Variants in RABGAP1 observed in about 807,000 individuals in gnomAD.
The protein encoded by RABGAP1 is rab GTPase-activating protein 1.
A neutral mutation model predicts 137.6 loss-of-function variants in RABGAP1; 23 were observed. That is an observed-to-expected ratio of 0.17 (90% CI 0.12 to 0.24). The LOEUF (loss-of-function observed/expected upper bound fraction) is 0.24, where lower values mean the gene tolerates loss of function less well. Ranked by LOEUF, RABGAP1 falls within the 10% of genes least tolerant of loss-of-function variation. RABGAP1 has a pLI of 1.00. For missense variants in RABGAP1, 906 were observed against 1,275.8 expected, an observed-to-expected ratio of 0.71 and a Z score of 4.42; for synonymous variants, 451 against 450.7, an observed-to-expected ratio of 1.00 and a Z score of -0.01.
chr9:123,012,036 G>T (rs2030856851), intron 11 of RABGAP1, among the ~76,000 whole-genome samples: 1 of 152,214 alleles, frequency 6.6e-6, no homozygotes, highest in Non-Finnish European at 1.5e-5. Context: ...CTAGAAATTG[G>T]CAGAGTCAGG....
intron 21 of RABGAP1, among the ~76,000 whole-genome samples, chr9:123,094,753 G>A (rs783200): frequency 0.62 from 94,943 of 152,012 alleles, 36,752 homozygotes; most frequent in Non-Finnish European, 0.86. Context: ...GTGAAGTCAC[G>A]CAGACCTGAA....
intron 25 of RABGAP1, among the ~76,000 whole-genome samples, chr9:123,102,231 C>A (rs1475175899): frequency 6.6e-6 from 1 of 152,210 alleles, no homozygotes; most frequent in African/African-American, 2.4e-5. Context: ...GTTCCCACCA[C>A]TTAACTAGCT....
chr9:123,003,854 C>T (rs2029950929), intron 10 of RABGAP1, among the ~76,000 whole-genome samples: 1 of 152,200 alleles, frequency 6.6e-6, no homozygotes, highest in Non-Finnish European at 1.5e-5. Flanking sequence ...ACCAATTAAA[C>T]ATTCTTATAA....
In RABGAP1 at chr9:122,986,315, G is replaced by T; in HGVS notation, c.486G>T (p.Arg162Ser). The T allele has an allele frequency of 6.2e-7, 1 of 1,614,112 alleles. No homozygotes were observed. The highest frequency in any genetic ancestry group is 8.5e-7 in the Non-Finnish European group (1 of 1,179,968). ...GCTGTGCCTCGGTAAATGCTCCCAG[G>T]AGTGAAGTGGAAGCCTTAAGGATGA... ...YLGCASVNAPRSEVEALRMMS... is the reference protein window; with the variant it reads ...YLGCASVNAPSSEVEALRMMS... Residue 162 changes from arginine (R) to serine (S), a missense_variant, in exon 4 of 26, where the codon AGG (arginine) becomes AGT (serine). This residue lies in a region of RABGAP1 where 331 missense variants were observed against 358.3 expected (regional missense o/e 0.92). Coordinates refer to ENST00000373647, the MANE Select transcript of RABGAP1 (RefSeq NM_012197.4).
intron 13 of RABGAP1, among the ~76,000 whole-genome samples, chr9:123,054,201 T>C (rs1463126179): frequency 6.6e-6 from 1 of 152,200 alleles, no homozygotes; most frequent in Non-Finnish European, 1.5e-5. Context: ...TCATCATAAT[T>C]GGGGACAAGA....
At chr9:122,957,230 A>C (rs768631199) in intron 2 of RABGAP1, 21 bp downstream of exon 2, 84 of 1,490,212 alleles carry the variant, frequency 5.6e-5, no homozygotes, top group Non-Finnish European at 7.3e-5. Context: ...CTAACCTAAG[A>C]TTGTTTTGCT....
the RABGAP1 span, among the ~76,000 whole-genome samples, chr9:122,931,675 A>G: frequency 6.6e-6 from 1 of 152,208 alleles, no homozygotes; most frequent in African/African-American, 2.4e-5. Flanking sequence ...CGGGGCGCAG[A>G]CGGAGGGCAC....
intron 13 of RABGAP1, chr9:123,029,583 G>A: frequency 1.3e-6 from 1 of 751,258 alleles, no homozygotes; most frequent in South Asian, 1.3e-5. Flanking sequence ...TCCTTACAGA[G>A]TTTGTCATAT....
intron 2 of RABGAP1, among the ~76,000 whole-genome samples, chr9:122,964,457 G>A (rs556856597): frequency 2.0e-5 from 3 of 152,036 alleles, no homozygotes; most frequent in Admixed American, 1.3e-4. Flanking sequence ...AGAATAAAAA[G>A]CAAAACCCAC....
the RABGAP1 span, among the ~76,000 whole-genome samples, chr9:122,934,028 T>A: frequency 6.6e-6 from 1 of 152,126 alleles, no homozygotes; most frequent in Non-Finnish European, 1.5e-5. Flanking sequence ...CCCAAAGTAC[T>A]GCGGTTGTAA....
chr9:122,950,131 C>G (rs1293963540), intron 1 of RABGAP1, among the ~76,000 whole-genome samples: 7 of 152,074 alleles, frequency 4.6e-5, no homozygotes, highest in African/African-American at 1.7e-4. Flanking sequence ...ATGATCAGAT[C>G]TAAGTTTTAG....
chr9:122,963,246 T>A (rs894534196), intron 2 of RABGAP1, among the ~76,000 whole-genome samples: 3 of 151,612 alleles, frequency 2.0e-5, no homozygotes, highest in African/African-American at 7.3e-5. Context: ...CCGTCTCATT[T>A]AAAAAAAAAT....
chr9:123,063,818 C>A (rs2034068624), intron 13 of RABGAP1, among the ~76,000 whole-genome samples: 1 of 152,270 alleles, frequency 6.6e-6, no homozygotes, highest in East Asian at 1.9e-4. Context: ...TGTGTCCTGG[C>A]CTGTGACTTA....
At chr9:122,966,937 C>G (rs927883793) in intron 2 of RABGAP1, among the ~76,000 whole-genome samples, 1 of 152,174 alleles carries the variant, frequency 6.6e-6, no homozygotes, top group Admixed American at 6.5e-5. Context: ...GACTCACTAT[C>G]ATGAGAACAG....
At position 123,007,576 on chromosome 9, in the gene RABGAP1, A is replaced by G. The variant is rs1350929704; in HGVS notation, c.1375-2778A>G. Among the ~76,000 whole-genome samples the G allele has an allele frequency of 7.4e-3, 490 of 65,890 alleles. 3 individuals carry two copies. The highest frequency in any genetic ancestry group is 0.038 in the Middle Eastern group (4 of 104). The allele number at this position is 65,890 out of a possible 152,430, so 43.2% of individuals were successfully genotyped here. Reference sequence around the variant, plus strand: ...GTATTTTTTTTTTTTTTTTTTTTTTAAGAAAGAGATGGGCTTTTGCCTTTG... The same window carrying G: ...GTATTTTTTTTTTTTTTTTTTTTTTGAGAAAGAGATGGGCTTTTGCCTTTG... On this transcript the variant is annotated intron_variant, in intron 10 of 25. Transcript: ENST00000373647.
intron 2 of RABGAP1, among the ~76,000 whole-genome samples, chr9:122,958,842 C>G (rs1588168977): frequency 6.6e-6 from 1 of 151,924 alleles, no homozygotes; most frequent in South Asian, 2.1e-4. Flanking sequence ...AACCCCATTT[C>G]TACAAAAGTC....
At chr9:123,025,587 A>G (rs117794800) in intron 13 of RABGAP1, among the ~76,000 whole-genome samples, 3 of 75,930 alleles carry the variant, frequency 4.0e-5, no homozygotes, top group Admixed American at 1.7e-4. Context: ...AATTGCCTTC[A>G]TAGGGATCTT....
chr9:122,967,352 TTGAG>T (rs765965755), intron 2 of RABGAP1, among the ~76,000 whole-genome samples: 1 of 152,024 alleles, frequency 6.6e-6, no homozygotes, highest in Middle Eastern at 3.4e-3. Context: ...GGCAGAAAAA[TTGAG>T]TGATAGCTGC....
chr9:123,042,669 A>G (rs377686559), intron 13 of RABGAP1, among the ~76,000 whole-genome samples: 27 of 152,228 alleles, frequency 1.8e-4, no homozygotes, highest in African/African-American at 6.0e-4. Flanking sequence ...CAGAAAATAG[A>G]TGAAAAAGCA....
Sources: gnomAD v4.1 joint callset for allele counts (sites outside exome capture counted in the v4.1 genomes callset) on GRCh38, gnomAD v4.1.1 for gene constraint, gnomAD v4.1.1 regional missense constraint, MANE v1.5 for transcripts, NCBI Gene and HGNC (gene_info 2026-07-23, HGNC 2026-07-21) for gene names.